LY96: variants seen among roughly 807,000 people sequenced by gnomAD.
LY96 encodes myeloid differentiation protein-2.
Under a neutral mutation model 18.9 loss-of-function variants are expected in LY96, and 18 were observed. The observed-to-expected ratio is 0.95, with a 90% CI of 0.66 to 1.41. The LOEUF is 1.41. Among genes scored for constraint, LY96 ranks in the 40% most tolerant of loss-of-function variants. The pLI, the probability that LY96 is intolerant of heterozygous loss-of-function variation, is 0.00. For missense variants in LY96, 175 were observed against 182.4 expected (o/e 0.96, Z 0.23); for synonymous variants, 66 against 62.6 (o/e 1.06, Z -0.26).
At chr8:74,002,729 G>A (rs1461668946) in intron 1 of LY96, among the ~76,000 whole-genome samples, 4 of 146,898 alleles carry the variant, frequency 2.7e-5, no homozygotes, top group Middle Eastern at 6.8e-3. Flanking sequence ...ATGCCACCAC[G>A]CCCAGCTAAT....
downstream of LY96, among the ~76,000 whole-genome samples, chr8:74,029,799 A>G (rs1182266727): frequency 6.6e-6 from 1 of 152,176 alleles, no homozygotes; most frequent in Non-Finnish European, 1.5e-5. Context: ...AGCTGGGATT[A>G]CAGGCACCTG....
the LY96 span, among the ~76,000 whole-genome samples, chr8:74,078,386 G>A: frequency 6.6e-6 from 1 of 152,134 alleles, no homozygotes; most frequent in Non-Finnish European, 1.5e-5. Flanking sequence ...ACTACTGAGA[G>A]CATTTTTGAG....
chr8:74,022,136 A>T lies in LY96; in HGVS notation c.332-4653A>T, dbSNP rs147102635. On this transcript the variant is annotated intron_variant, in intron 3 of 4. Transcript: ENST00000284818. The stretch of plus-strand genomic sequence containing the variant: ...AGATATGAGCTTTCTTGGCAGGCAC[A>T]GTGGCTCAAGCCTGTAATCCCAGCA... Among the ~76,000 whole-genome samples, 1,137 of 152,244 alleles carry T rather than the reference A, an allele frequency of 7.5e-3. 12 individuals carry two copies. Among genetic ancestry groups the T allele is most frequent in the African/African-American group, 0.026 (1,075 of 41,546 alleles).
At chr8:74,044,071 G>A in the LY96 span, among the ~76,000 whole-genome samples, 2 of 152,214 alleles carry the variant, frequency 1.3e-5, no homozygotes, top group South Asian at 2.1e-4. Flanking sequence ...CCAGACCAGC[G>A]TTGTAAAGTT....
chr8:74,050,045 C>T, the LY96 span, among the ~76,000 whole-genome samples: 5 of 151,816 alleles, frequency 3.3e-5, no homozygotes, highest in Admixed American at 1.3e-4. Flanking sequence ...TAAATACATG[C>T]AATTAAATAA....
the LY96 span, among the ~76,000 whole-genome samples, chr8:74,074,868 T>G: frequency 6.6e-6 from 1 of 152,240 alleles, no homozygotes; most frequent in African/African-American, 2.4e-5. Flanking sequence ...TATTTCAATT[T>G]TTTTGAATGT....
chr8:74,094,219 A>G, the LY96 span, among the ~76,000 whole-genome samples: 1 of 151,854 alleles, frequency 6.6e-6, no homozygotes, highest in Non-Finnish European at 1.5e-5. Context: ...GTTTGAATAT[A>G]CTTGCATGAC....
At chr8:74,079,799 T>G in the LY96 span, among the ~76,000 whole-genome samples, 1 of 151,996 alleles carries the variant, frequency 6.6e-6, no homozygotes, top group African/African-American at 2.4e-5. Flanking sequence ...ATCCACCCGC[T>G]TTGGCTTCTA....
chr8:73,992,647 T>C (rs1169360160), intron 1 of LY96, among the ~76,000 whole-genome samples: 2 of 151,830 alleles, frequency 1.3e-5, no homozygotes, highest in Admixed American at 6.6e-5. Context: ...GACTTAGGAG[T>C]GTGGCCAGTC....
At chr8:74,054,617 C>CTTCTTTCT in the LY96 span, among the ~76,000 whole-genome samples, 11,359 of 69,970 alleles carry the variant, frequency 0.16, 1,196 homozygotes, top group East Asian at 0.23. Flanking sequence ...TTTCCTTTTC[C>CTTCTTTCT]TTCTTTCTTT....
intron 1 of LY96, 76 bp downstream of exon 1, chr8:73,991,630 T>C: frequency 2.3e-6 from 2 of 878,394 alleles, no homozygotes; most frequent in Non-Finnish European, 3.8e-6. Context: ...CCGTACACTG[T>C]TGTGGCTGGA....
chr8:74,089,366 A>G, the LY96 span, among the ~76,000 whole-genome samples: 3 of 152,178 alleles, frequency 2.0e-5, no homozygotes, highest in South Asian at 4.2e-4. Context: ...AAGGATTTCA[A>G]TTTGGTCACC....
chr8:74,088,083 AAGAATAGAATAGAAT>A, the LY96 span, among the ~76,000 whole-genome samples: 1,003 of 120,424 alleles, frequency 8.3e-3, 4 homozygotes, highest in South Asian at 0.024. Context: ...TCACTGAGAG[AAGAATAGAATAGAAT>A]AGAATAGAAT....
At chr8:74,053,306 T>C in the LY96 span, among the ~76,000 whole-genome samples, 13 of 152,238 alleles carry the variant, frequency 8.5e-5, no homozygotes, top group Non-Finnish European at 1.8e-4. Context: ...CACAATTTCT[T>C]TGCTGATCTA....
chr8:74,092,526 T>A, the LY96 span, among the ~76,000 whole-genome samples: 1 of 152,206 alleles, frequency 6.6e-6, no homozygotes, highest in Non-Finnish European at 1.5e-5. Context: ...ATTTCTCTCC[T>A]GAATTCATCT....
chr8:74,016,392 A>G (rs1006092003), intron 3 of LY96, among the ~76,000 whole-genome samples: 4 of 152,234 alleles, frequency 2.6e-5, no homozygotes, highest in Non-Finnish European at 5.9e-5. Flanking sequence ...CCACAGCTCA[A>G]CGAGGCCTGC....
intron 1 of LY96, among the ~76,000 whole-genome samples, chr8:74,001,515 C>T (rs1816268979): frequency 1.3e-5 from 2 of 152,076 alleles, no homozygotes; most frequent in South Asian, 4.1e-4. Flanking sequence ...CAGGCATGAG[C>T]CAGCACACTT....
At chr8:74,049,364 G>C in the LY96 span, among the ~76,000 whole-genome samples, 1 of 152,160 alleles carries the variant, frequency 6.6e-6, no homozygotes, top group Non-Finnish European at 1.5e-5. Context: ...CTGCTAATCC[G>C]ATAAACAAAC....
At chr8:74,022,588 T>C (rs1196924209) in intron 3 of LY96, among the ~76,000 whole-genome samples, 2 of 149,730 alleles carry the variant, frequency 1.3e-5, no homozygotes, top group Non-Finnish European at 3.0e-5. Context: ...TTTCTTTTTT[T>C]TTTTTTTTGT....
Sources: allele counts gnomAD v4.1 joint callset (sites outside exome capture counted in the v4.1 genomes callset), GRCh38; gene constraint gnomAD v4.1.1; transcripts MANE v1.5; gene names NCBI Gene and HGNC (gene_info 2026-07-23, HGNC 2026-07-21).